WNT5B: variants seen among roughly 807,000 people sequenced by gnomAD.
The protein encoded by WNT5B is Wnt family member 5B, also known as protein Wnt-5b.
WNT5B carries 18 observed loss-of-function variants against 36.5 expected under a neutral mutation model. The ratio of observed to expected loss-of-function variants is 0.49; its 90% confidence interval spans 0.34 to 0.73. The LOEUF (loss-of-function observed/expected upper bound fraction) is 0.73. Among genes scored for constraint, WNT5B ranks in the 30% least tolerant of loss-of-function variants. The pLI, the probability that WNT5B is intolerant of heterozygous loss-of-function variation, is 0.01. For synonymous variants in WNT5B, 213 were observed against 212.3 expected (o/e 1.00, Z -0.03); for missense variants, 424 against 508.4 (o/e 0.83, Z 1.60).
chr12:1,637,403 A>AC (rs201210813), intron 3 of WNT5B, among the ~76,000 whole-genome samples: 2 of 135,304 alleles, frequency 1.5e-5, no homozygotes, highest in African/African-American at 6.1e-5. Flanking sequence ...TAATGTGAAT[A>AC]GGCAATAAAG....
intron 3 of WNT5B, among the ~76,000 whole-genome samples, chr12:1,637,381 A>G (rs976323205): frequency 2.0e-5 from 3 of 151,646 alleles, no homozygotes; most frequent in Non-Finnish European, 2.9e-5. Flanking sequence ...CCGTACTGCA[A>G]TAATACTGCA....
In WNT5B at chr12:1,645,895, C is replaced by T. The variant is rs753725483; in HGVS notation, c.723C>T (p.Val241=). The change falls in exon 5 of 5, where the codon GTC becomes GTT. Residue 241 remains valine (V), a synonymous_variant. Transcript: ENST00000397196. ...TGCAGCTGGCCGAGTTCCGCAAGGTCGGGGACCGGCTGAAGGAGAAGTACG... is the reference window on the plus strand; with the variant it reads ...TGCAGCTGGCCGAGTTCCGCAAGGTTGGGGACCGGCTGAAGGAGAAGTACG... ...CWLQLAEFRK[V]GDRLKEKYDS... is the part of the protein sequence containing the mutation. 1.1e-5 allele frequency: 17 copies of T among 1,611,380 alleles called. No homozygotes were observed. Among genetic ancestry groups the T allele is most frequent in the East Asian group, 4.5e-5 (2 of 44,894 alleles).
At chr12:1,619,600 A>T (rs1183885841) in intron 1 of WNT5B, among the ~76,000 whole-genome samples, 1 of 152,210 alleles carries the variant, frequency 6.6e-6, no homozygotes, top group Non-Finnish European at 1.5e-5. Flanking sequence ...TCTAGAAAAA[A>T]ATTCATGCAA....
intron 1 of WNT5B, among the ~76,000 whole-genome samples, chr12:1,621,612 C>T (rs1349232400): frequency 6.6e-6 from 1 of 151,610 alleles, no homozygotes; most frequent in Non-Finnish European, 1.5e-5. Flanking sequence ...TGCAGTGGTA[C>T]AATCATAGCT....
At chr12:1,637,433 G>A (rs775777637) in intron 3 of WNT5B, among the ~76,000 whole-genome samples, 1 of 152,140 alleles carries the variant, frequency 6.6e-6, no homozygotes, top group Non-Finnish European at 1.5e-5. Context: ...TGGTTTTCCA[G>A]TGCATATAAA....
intron 1 of WNT5B, among the ~76,000 whole-genome samples, chr12:1,622,197 G>A (rs368535945): frequency 1.5e-4 from 22 of 146,126 alleles, no homozygotes; most frequent in Admixed American, 6.4e-4. Flanking sequence ...TGCAAGCTCC[G>A]CTTCCCGGGT....
intron 4 of WNT5B, 107 bp downstream of exon 4, chr12:1,640,083 C>A: frequency 7.6e-7 from 1 of 1,318,204 alleles, no homozygotes. Flanking sequence ...TTAGTCTGAC[C>A]GTGAAGATTC....
chr12:1,643,904 AG>A (rs1234730923), intron 4 of WNT5B, among the ~76,000 whole-genome samples: 1 of 151,908 alleles, frequency 6.6e-6, no homozygotes, highest in Non-Finnish European at 1.5e-5. Context: ...GGAAGGATGG[AG>A]GGGGTGTTTA....
intron 3 of WNT5B, among the ~76,000 whole-genome samples, chr12:1,639,376 G>A (rs1324240583): frequency 1.3e-5 from 2 of 152,190 alleles, no homozygotes; most frequent in Non-Finnish European, 2.9e-5. Context: ...CTGACCTCGT[G>A]GTCCGCCCGC....
chr12:1,620,469 T>G (rs4765834), intron 1 of WNT5B, among the ~76,000 whole-genome samples: 40,599 of 152,134 alleles, frequency 0.27, 5,904 homozygotes, highest in African/African-American at 0.39. Flanking sequence ...TTAATTGTTT[T>G]GTCCATTCTA....
rs543215627 is a variant in WNT5B at position 1,645,625 on chromosome 12, C to A, written c.622-169C>A. On this transcript the variant is annotated intron_variant, in intron 4 of 4. Transcript: ENST00000397196. The stretch of plus-strand genomic sequence containing the variant: ...TCTGTGGTGCCTCTTTTATGTTTTC[C>A]CCCTGAGCACCTGAGCATCTTGGAA... 5.9e-5 allele frequency among the ~76,000 whole-genome samples: 9 copies of A among 152,300 alleles called. No homozygotes were observed. In the East Asian group the frequency reaches 1.7e-3, roughly 29 times the overall value.
At chr12:1,635,652 C>T (rs1022359042) in intron 3 of WNT5B, among the ~76,000 whole-genome samples, 4 of 152,202 alleles carry the variant, frequency 2.6e-5, no homozygotes, top group Non-Finnish European at 4.4e-5. Flanking sequence ...AGGCTCCCTC[C>T]GTTCCAGGAT....
At position 1,639,694 on chromosome 12, in the gene WNT5B, G is replaced by T. The variant is rs1175036912; in HGVS notation, c.339G>T (p.Glu113Asp). 1 of 1,565,314 alleles carries T rather than the reference G, an allele frequency of 6.4e-7. No individual in the cohort carries two copies. Among genetic ancestry groups the T allele is most frequent in the Admixed American group, 1.9e-5 (1 of 52,914 alleles). Residue 113 changes from glutamate to aspartate, a missense_variant, in exon 4 of 5, where the codon GAG (glutamate) becomes GAT (aspartate). Glu to Asp is a conservative substitution (Grantham distance 45). Coordinates refer to ENST00000397196, the MANE Select transcript of WNT5B (RefSeq NM_032642.3). ...GGCCTCATTCTGCAGGCAGCCGAGA[G>T]ACCGCCTTCACCCACGCGGTGAGCG... is the stretch of plus-strand genomic sequence containing the variant. The part of the protein sequence containing the change: ...FGRVMQIGSR[E>D]TAFTHAVSAA...
upstream of WNT5B, among the ~76,000 whole-genome samples, chr12:1,625,242 G>C (rs2094539455): frequency 6.6e-6 from 1 of 152,154 alleles, no homozygotes; most frequent in Admixed American, 6.5e-5. Context: ...TAGTATTTTA[G>C]GGAAAACTGG....
At position 1,645,469 on chromosome 12, in the gene WNT5B, G is replaced by A. The variant is rs569738932; in HGVS notation, c.622-325G>A. Among the ~76,000 whole-genome samples the A allele has an allele frequency of 3.9e-5, 6 of 152,274 alleles. No homozygotes were observed. The East Asian group carries it at 7.7e-4, about 20-fold the overall frequency. On this transcript the variant is annotated intron_variant, in intron 4 of 4. Coordinates refer to ENST00000397196, the MANE Select transcript of WNT5B (RefSeq NM_032642.3). ...CAAGATGGAGATATCTTTGTTTTCC[G>A]ATTGTGAAAAGGATGCATTGATTGT... is the stretch of plus-strand genomic sequence containing the variant.
chr12:1,639,404 C>CT (rs1179555217), intron 3 of WNT5B, among the ~76,000 whole-genome samples: 1 of 151,424 alleles, frequency 6.6e-6, no homozygotes, highest in East Asian at 1.9e-4. Context: ...TCCCAAAGGG[C>CT]TGGGATTACG....
At chr12:1,636,497 C>CTATA (rs56095993) in intron 3 of WNT5B, among the ~76,000 whole-genome samples, 58 of 81,098 alleles carry the variant, frequency 7.2e-4, no homozygotes, top group African/African-American at 1.2e-3. Flanking sequence ...GTGTTGCAGT[C>CTATA]TATATATATA....
chr12:1,620,668 A>T (rs1284951270), intron 1 of WNT5B, among the ~76,000 whole-genome samples: 1 of 148,682 alleles, frequency 6.7e-6, no homozygotes, highest in African/African-American at 2.5e-5. Context: ...GCTCCCAAGT[A>T]GCTGGGACTA....
intron 4 of WNT5B, 30 bp from the exon 5 acceptor site, chr12:1,645,764 C>T: frequency 1.3e-6 from 2 of 1,541,114 alleles, no homozygotes; most frequent in Non-Finnish European, 1.8e-6. Context: ...CGGGATCCTC[C>T]TTCTTACTGC....
Sources: gnomAD v4.1 joint callset for allele counts (sites outside exome capture counted in the v4.1 genomes callset) on GRCh38, gnomAD v4.1.1 for gene constraint, MANE v1.5 for transcripts, NCBI Gene and HGNC (gene_info 2026-07-23, HGNC 2026-07-21) for gene names.